The following KIAA0319 variants were observed in gnomAD, a reference collection of about 807,000 sequenced individuals.
The protein encoded by KIAA0319 is KIAA0319.
Under a neutral mutation model 108.4 loss-of-function variants are expected in KIAA0319, and 83 were observed. That is an observed-to-expected ratio of 0.77 (90% CI 0.64 to 0.92). The LOEUF (loss-of-function observed/expected upper bound fraction) is 0.92, where lower values mean the gene tolerates loss of function less well. Among genes scored for constraint, KIAA0319 ranks in the 40% least tolerant of loss-of-function variants. KIAA0319 has a pLI of 0.00. For synonymous variants in KIAA0319, 484 were observed against 510.4 expected, an observed-to-expected ratio of 0.95 and a Z score of 0.70; for missense variants, 1,195 against 1,322.4, an observed-to-expected ratio of 0.90 and a Z score of 1.49.
chr6:24,610,735 A>C (rs1772170425), intron 1 of KIAA0319, among the ~76,000 whole-genome samples: 1 of 152,162 alleles, frequency 6.6e-6, no homozygotes, highest in Non-Finnish European at 1.5e-5. Context: ...AGCCTGGGCA[A>C]CATAGGCTGA....
At chr6:24,628,648 A>G (rs1278982710) in intron 1 of KIAA0319, among the ~76,000 whole-genome samples, 1 of 152,166 alleles carries the variant, frequency 6.6e-6, no homozygotes, top group Non-Finnish European at 1.5e-5. Flanking sequence ...AGTCTCCCAC[A>G]GTTCTGGAAG....
At chr6:24,613,299 A>G (rs558806936) in intron 1 of KIAA0319, among the ~76,000 whole-genome samples, 24 of 152,130 alleles carry the variant, frequency 1.6e-4, no homozygotes, top group Non-Finnish European at 2.8e-4. Flanking sequence ...GGGTGGGCAG[A>G]CTTAGCAAAT....
At chr6:24,554,390 C>T (rs1252202899) in intron 19 of KIAA0319, 151 bp downstream of exon 19, 4 of 633,784 alleles carry the variant, frequency 6.3e-6, no homozygotes, top group Non-Finnish European at 1.1e-5. Flanking sequence ...TCTAATATTC[C>T]ATTTATTTAG....
chr6:24,563,425 G>GC lies in KIAA0319; in HGVS notation c.2524dup (p.Ala842GlyfsTer12). The GC allele has an allele frequency of 1.2e-6, 2 of 1,613,850 alleles. No individual in the cohort carries two copies. Among genetic ancestry groups the GC allele is most frequent in the Non-Finnish European group, 1.7e-6 (2 of 1,179,956 alleles). On this transcript the variant is annotated frameshift_variant, in exon 16 of 21. Transcript: ENST00000378214. LOFTEE classifies it high-confidence loss of function. ...CGAGTCCAGCACGTTCAGCAGCACA[G>GC]CCAGCTGCCTCACAAGGGTGTCCTT...
chr6:24,582,172 A>G (rs1766664588), intron 6 of KIAA0319, 77 bp downstream of exon 6: 14 of 831,804 alleles, frequency 1.7e-5, no homozygotes, highest in Non-Finnish European at 2.9e-5. Flanking sequence ...GTTTGGGTTC[A>G]GTAGCTAAGA....
chr6:24,549,440 T>C (rs807532), intron 20 of KIAA0319, among the ~76,000 whole-genome samples: 131,161 of 152,038 alleles, frequency 0.86, 57,400 homozygotes, highest in Non-Finnish European at 0.92. Flanking sequence ...ATGTTGAATT[T>C]GCCTTCCCAG....
At chr6:24,570,734 C>G (rs1561958886) in intron 11 of KIAA0319, among the ~76,000 whole-genome samples, 1 of 150,780 alleles carries the variant, frequency 6.6e-6, no homozygotes, top group East Asian at 2.0e-4. Context: ...AGGGACATCA[C>G]AGAGAGGGAG....
At chr6:24,550,978 A>C (rs1717058585) in intron 20 of KIAA0319, among the ~76,000 whole-genome samples, 1 of 151,260 alleles carries the variant, frequency 6.6e-6, no homozygotes, top group South Asian at 2.1e-4. Flanking sequence ...GATGAAGGTT[A>C]TTTTTCTTTT....
Position 24,556,611 on chromosome 6 carries a change from G to C in KIAA0319, c.2853C>G (p.Asn951Lys). The C allele has an allele frequency of 6.2e-7, 1 of 1,613,846 alleles. No homozygotes were observed. The highest frequency in any genetic ancestry group is 8.5e-7 in the Non-Finnish European group (1 of 1,179,900). Residue 951 changes from asparagine to lysine, a missense_variant, in exon 18 of 21, where the codon AAC becomes AAG. Physicochemically the swap from Asn to Lys is moderately conservative, Grantham distance 94. Transcript: ENST00000378214. Reference sequence around the variant, plus strand: ...CTCCTCTATACCAGAACTCACCACAGTTGCTCTCTCCATCCCAGATATAAC... The same window carrying C: ...CTCCTCTATACCAGAACTCACCACACTTGCTCTCTCCATCCCAGATATAAC... ...IQRYIWDGES[N>K]CEWSIFYVTV...
chr6:24,558,932 T>C, intron 17 of KIAA0319, 81 bp downstream of exon 17: 1 of 1,334,904 alleles, frequency 7.5e-7, no homozygotes, highest in Non-Finnish European at 1.0e-6. Context: ...AATGTTCACA[T>C]GTCACTCCTC....
chr6:24,568,953 C>T lies in KIAA0319; in HGVS notation c.1992-24G>A, dbSNP rs752388832. ...CTCTATAAAACATAGAAGTGGTTAA[C>T]ATAAGGGAGGGGGCATGGGGTTTTG... On this transcript the variant is annotated intron_variant, in intron 12 of 20. Coordinates refer to ENST00000378214, the MANE Select transcript of KIAA0319 (RefSeq NM_014809.4). 15 of 1,609,778 alleles carry T rather than the reference C, an allele frequency of 9.3e-6. No homozygotes were observed. In the South Asian group the frequency reaches 1.6e-4, roughly 18 times the overall value.
chr6:24,582,394 C>A, intron 5 of KIAA0319, 48 bp from the exon 6 acceptor site: 1 of 1,122,414 alleles, frequency 8.9e-7, no homozygotes, highest in Non-Finnish European at 1.4e-6. Flanking sequence ...TGAGAGGACA[C>A]TAGATAACCT....
intron 16 of KIAA0319, among the ~76,000 whole-genome samples, chr6:24,563,101 G>A (rs965888788): frequency 2.2e-4 from 34 of 152,126 alleles, no homozygotes; most frequent in African/African-American, 7.2e-4. Context: ...GCTAACAACC[G>A]TCTCCCCTGC....
In KIAA0319 at chr6:24,568,803, G is replaced by A. The variant is rs1388445966; in HGVS notation, c.2118C>T (p.Thr706=). The A allele has an allele frequency of 6.2e-7, 1 of 1,614,106 alleles. No homozygotes were observed. Among genetic ancestry groups the A allele is most frequent in the South Asian group, 1.1e-5 (1 of 91,074 alleles). ...CACCCTTCTTCACAGCCACAGTGAG[G>A]GTGGACGTGCTGCTCAGTCCCTGCT... The part of the protein sequence containing the change: ...KDQQGLSSTS[T]LTVAVKKENN... Residue 706 remains threonine, a synonymous_variant, in exon 13 of 21, where the codon ACC becomes ACT. Transcript: ENST00000378214.
chr6:24,617,682 G>T (rs1295673691), intron 1 of KIAA0319, among the ~76,000 whole-genome samples: 1 of 152,056 alleles, frequency 6.6e-6, no homozygotes. Context: ...ATAAAGCCAG[G>T]AACCCTAAAG....
chr6:24,579,825 A>G, intron 8 of KIAA0319, 33 bp downstream of exon 8: 1 of 1,543,848 alleles, frequency 6.5e-7, no homozygotes, highest in Non-Finnish European at 8.8e-7. Context: ...GTAGAGAAAA[A>G]AAGAAATCCC....
At chr6:24,602,526 T>C (rs4712829) in intron 1 of KIAA0319, among the ~76,000 whole-genome samples, 136,895 of 152,196 alleles carry the variant, frequency 0.9, 61,606 homozygotes, top group East Asian at 0.98. Context: ...CCTGGCCGGG[T>C]GCGGTGGCTC....
intron 6 of KIAA0319, 24 bp downstream of exon 6, chr6:24,582,225 C>T (rs975702856): frequency 1.5e-6 from 2 of 1,331,834 alleles, no homozygotes; most frequent in Non-Finnish European, 2.2e-6. Flanking sequence ...TGCTGTTAGA[C>T]ACAACCAGTC....
At chr6:24,563,580 G>C (rs1400330097) in intron 15 of KIAA0319, 62 bp from the exon 16 acceptor site, 2 of 1,488,190 alleles carry the variant, frequency 1.3e-6, no homozygotes, top group African/African-American at 2.8e-5. Flanking sequence ...AGAGCATAAG[G>C]AGCGAGGTTT....
Sources: gnomAD v4.1 joint callset for allele counts (sites outside exome capture counted in the v4.1 genomes callset) on GRCh38, gnomAD v4.1.1 for gene constraint, MANE v1.5 for transcripts, NCBI Gene and HGNC (gene_info 2026-07-23, HGNC 2026-07-21) for gene names.